Variants in MICAL2 observed in about 807,000 individuals in gnomAD.
MICAL2 encodes the protein microtubule associated monooxygenase, calponin and LIM domain containing 2.
MICAL2 carries 77 observed loss-of-function variants against 127.3 expected under a neutral mutation model. That is an observed-to-expected ratio of 0.60 (90% CI 0.50 to 0.73). The LOEUF (loss-of-function observed/expected upper bound fraction) is 0.73. Among genes scored for constraint, MICAL2 ranks in the 30% least tolerant of loss-of-function variants. The pLI is 0.00. For missense variants in MICAL2, 1,351 were observed against 1,434.4 expected, an observed-to-expected ratio of 0.94 and a Z score of 0.94; for synonymous variants, 570 against 551.1, an observed-to-expected ratio of 1.03 and a Z score of -0.48.
intron 3 of MICAL2, among the ~76,000 whole-genome samples, chr11:12,178,211 G>A (rs2133926967): frequency 6.6e-6 from 1 of 152,330 alleles, no homozygotes; most frequent in East Asian, 1.9e-4. Flanking sequence ...ACACGTGGCA[G>A]TGACTGAAGG....
chr11:12,117,550 G>A (rs541232941), intron 1 of MICAL2, among the ~76,000 whole-genome samples: 5 of 152,374 alleles, frequency 3.3e-5, no homozygotes, highest in Middle Eastern at 3.4e-3. Context: ...GTTGGAGCCA[G>A]GATAATGAGG....
chr11:12,301,137 C>G (rs1590728809), intron 29 of MICAL2, among the ~76,000 whole-genome samples: 1 of 152,136 alleles, frequency 6.6e-6, no homozygotes, highest in African/African-American at 2.4e-5. Flanking sequence ...CATCAGATCT[C>G]ATGAGACTTT....
chr11:12,152,662 G>A (rs1421282890), intron 2 of MICAL2, among the ~76,000 whole-genome samples: 1 of 152,152 alleles, frequency 6.6e-6, no homozygotes, highest in Non-Finnish European at 1.5e-5. Flanking sequence ...AGATAAAAAT[G>A]GGGAACTTGG....
chr11:12,222,556 T>TG, intron 10 of MICAL2, 61 bp from the exon 11 acceptor site: 1 of 1,607,652 alleles, frequency 6.2e-7, no homozygotes, highest in South Asian at 1.1e-5. Flanking sequence ...TAGGGAAGGG[T>TG]GGGGACAAGG....
At chr11:12,128,941 A>G (rs1289782525) in intron 1 of MICAL2, among the ~76,000 whole-genome samples, 3 of 152,220 alleles carry the variant, frequency 2.0e-5, no homozygotes, top group African/African-American at 4.8e-5. Context: ...ACTCTGAAAG[A>G]GTTATTATTA....
intron 2 of MICAL2, among the ~76,000 whole-genome samples, chr11:12,151,057 C>T (rs1232357030): frequency 6.6e-6 from 1 of 152,168 alleles, no homozygotes; most frequent in Non-Finnish European, 1.5e-5. Context: ...CTTAGTGACT[C>T]AGAAGCCCAT....
chr11:12,245,484 G>C (rs549470120), intron 21 of MICAL2, among the ~76,000 whole-genome samples: 1 of 152,360 alleles, frequency 6.6e-6, no homozygotes, highest in South Asian at 2.1e-4. Context: ...TAAGAAAGGA[G>C]CAAGGAATCT....
chr11:12,202,769 GT>G (rs1027244714), intron 3 of MICAL2, among the ~76,000 whole-genome samples: 4 of 152,132 alleles, frequency 2.6e-5, no homozygotes, highest in Admixed American at 6.5e-5. Context: ...TCTGTACCAT[GT>G]TTTTTTCTCA....
chr11:12,248,193 T>A (rs952749877), intron 21 of MICAL2, among the ~76,000 whole-genome samples: 1 of 152,170 alleles, frequency 6.6e-6, no homozygotes, highest in South Asian at 2.1e-4. Flanking sequence ...TATTCCACTT[T>A]AAAATTCAGA....
chr11:12,320,451 G>A (rs1036919057), intron 30 of MICAL2, among the ~76,000 whole-genome samples: 1 of 152,114 alleles, frequency 6.6e-6, no homozygotes, highest in Non-Finnish European at 1.5e-5. Context: ...CACAGAGACA[G>A]ACATCCCATA....
chr11:12,125,681 C>T (rs1589991258), intron 1 of MICAL2, among the ~76,000 whole-genome samples: 1 of 152,128 alleles, frequency 6.6e-6, no homozygotes, highest in Non-Finnish European at 1.5e-5. Context: ...CAAAAGGACA[C>T]ATATTTATAT....
At chr11:12,310,042 A>C (rs535896533) in intron 29 of MICAL2, among the ~76,000 whole-genome samples, 7 of 152,056 alleles carry the variant, frequency 4.6e-5, no homozygotes, top group Admixed American at 4.6e-4. Context: ...TTTTGTACTG[A>C]GTTATTTGAG....
intron 5 of MICAL2, among the ~76,000 whole-genome samples, chr11:12,208,644 C>T (rs1855037665): frequency 6.6e-6 from 1 of 152,184 alleles, no homozygotes; most frequent in African/African-American, 2.4e-5. Flanking sequence ...ATGATATTTG[C>T]CCGTATAGGC....
At position 12,221,626 on chromosome 11, in the gene MICAL2, GC is replaced by G. The variant is rs1565190063; in HGVS notation, c.1207-17del. The G allele has an allele frequency of 1.3e-6, 2 of 1,577,398 alleles. No homozygotes were observed. The highest frequency in any genetic ancestry group is 1.7e-6 in the Non-Finnish European group (2 of 1,149,396). ...AGTCATCAGAATCAACTGGAATTTT[GC>G]ACGTTTTCTTTTGCAGCCATTTTGG... On this transcript the variant is annotated splice_polypyrimidine_tract_variant and intron_variant, in intron 9 of 27. Transcript: ENST00000683283.
downstream of MICAL2, chr11:12,294,368 A>G (rs1493954): frequency 0.37 from 603,848 of 1,613,960 alleles, 119,214 homozygotes; most frequent in East Asian, 0.66. Flanking sequence ...TCGCTCATTC[A>G]GCCTTCGGAA....
At chr11:12,290,281 A>C (rs1863880397), downstream of MICAL2, among the ~76,000 whole-genome samples, 1 of 152,152 alleles carries the variant, frequency 6.6e-6, no homozygotes, top group Non-Finnish European at 1.5e-5. Flanking sequence ...AGTGGGGATT[A>C]GAGAAAGGAG....
intron 3 of MICAL2, among the ~76,000 whole-genome samples, chr11:12,178,329 T>C (rs896739920): frequency 2.0e-5 from 3 of 152,100 alleles, no homozygotes; most frequent in African/African-American, 7.2e-5. Flanking sequence ...TAAATAAGAG[T>C]AACCATGGCC....
chr11:12,252,382 A>C (rs1861663813), intron 22 of MICAL2: 1 of 152,328 alleles, frequency 6.6e-6, no homozygotes. Context: ...AGCTGCTCCC[A>C]AGAAGTGGCA....
At chr11:12,340,691 A>G (rs969306961) in intron 32 of MICAL2, among the ~76,000 whole-genome samples, 3 of 152,206 alleles carry the variant, frequency 2.0e-5, no homozygotes, top group Non-Finnish European at 4.4e-5. Flanking sequence ...ACCGAATGTT[A>G]TATATACAGC....
Sources: allele counts gnomAD v4.1 joint callset (sites outside exome capture counted in the v4.1 genomes callset), GRCh38; gene constraint gnomAD v4.1.1; transcripts MANE v1.5; gene names NCBI Gene and HGNC (gene_info 2026-07-23, HGNC 2026-07-21).